The following GNG4 variants were observed in gnomAD, a reference collection of about 807,000 sequenced individuals.
The protein encoded by GNG4 is G protein subunit gamma 4.
GNG4 carries 4 observed loss-of-function variants against 5.8 expected under a neutral mutation model. The ratio of observed to expected loss-of-function variants is 0.69; its 90% CI spans 0.34 to 1.57. GNG4 has a LOEUF of 1.57. GNG4 is among the 40% of genes most tolerant of loss of function. The pLI is 0.06. For synonymous variants in GNG4, 29 were observed against 32.9 expected, an observed-to-expected ratio of 0.88 and a Z score of 0.41; for missense variants, 96 against 95.1, an observed-to-expected ratio of 1.01 and a Z score of -0.04.
intron 1 of GNG4, among the ~76,000 whole-genome samples, chr1:235,614,365 C>T (rs1211804830): frequency 2.0e-5 from 3 of 151,810 alleles, no homozygotes; most frequent in Non-Finnish European, 4.4e-5. Flanking sequence ...TTCATTGACT[C>T]TTTTTTCTGT....
chr1:235,616,801 C>A (rs112106624), intron 1 of GNG4, among the ~76,000 whole-genome samples: 1 of 152,036 alleles, frequency 6.6e-6, no homozygotes, highest in African/African-American at 2.4e-5. Context: ...TGCAGTGGCA[C>A]GATGTCAGCT....
chr1:235,616,772 T>G (rs1688599020), intron 1 of GNG4, among the ~76,000 whole-genome samples: 1 of 152,064 alleles, frequency 6.6e-6, no homozygotes, highest in Non-Finnish European at 1.5e-5. Context: ...GGAGATTTGC[T>G]CTGTCACCCA....
In GNG4 at chr1:235,634,149, G is replaced by A. The variant is rs1009373296; in HGVS notation, c.-123+15513C>T. Among the ~76,000 whole-genome samples the A allele has an allele frequency of 4.6e-5, 7 of 152,244 alleles. No homozygotes were observed. The South Asian group carries it at 1.5e-3, about 32-fold the overall frequency. ...AGTCTCAAAATTACCCTCCACCCCT[G>A]CACCAGGAAGACTCACTCTCTGTAA... On this transcript the variant is annotated intron_variant, in intron 1 of 3. Coordinates refer to ENST00000391854, the MANE Select transcript of GNG4 (RefSeq NM_001098722.2).
chr1:235,627,689 A>C (rs187095484), intron 1 of GNG4, among the ~76,000 whole-genome samples: 5 of 152,298 alleles, frequency 3.3e-5, no homozygotes, highest in Admixed American at 3.3e-4. Flanking sequence ...ACCATTTACA[A>C]TGGCCTCTCC....
In GNG4 at chr1:235,644,449, G is replaced by A. The variant is rs986942438; in HGVS notation, c.-123+5213C>T. On this transcript the variant is annotated intron_variant, in intron 1 of 3. Coordinates refer to ENST00000391854, the MANE Select transcript of GNG4 (RefSeq NM_001098722.2). This position sits in a 1 kb window ranked among gnomAD's most constrained non-coding sequence, Gnocchi z 5.9. ...GCCCTTGGGCATGAGCAAGCCTGAC[G>A]CTGTCTCTCATCCTGGTAACACCTT... Among the ~76,000 whole-genome samples, 4 of 152,176 alleles carry A rather than the reference G, an allele frequency of 2.6e-5. No homozygotes were observed. Among genetic ancestry groups the A allele is most frequent in the Non-Finnish European group, 4.4e-5 (3 of 68,026 alleles).
intron 2 of GNG4, among the ~76,000 whole-genome samples, chr1:235,584,449 ATTAATT>A (rs138257545): frequency 0.04 from 6,148 of 152,260 alleles, 340 homozygotes; most frequent in African/African-American, 0.12. Context: ...AAATTGCTTT[ATTAATT>A]TTAATTTGTT....
At chr1:235,629,592 C>T (rs371832536) in intron 1 of GNG4, among the ~76,000 whole-genome samples, 2 of 144,198 alleles carry the variant, frequency 1.4e-5, no homozygotes, top group African/African-American at 5.7e-5. Flanking sequence ...TTTCTTTTTT[C>T]TTTCTTTCTT....
At chr1:235,581,646 C>T (rs1571892349) in intron 3 of GNG4, among the ~76,000 whole-genome samples, 4 of 152,140 alleles carry the variant, frequency 2.6e-5, no homozygotes, top group Admixed American at 2.6e-4. Context: ...CACCCTCCGC[C>T]CTGAGAAGCC....
intron 1 of GNG4, among the ~76,000 whole-genome samples, chr1:235,629,882 A>G (rs7555829): frequency 0.028 from 4,301 of 152,116 alleles, 200 homozygotes; most frequent in African/African-American, 0.095. Context: ...ATGAGCCACC[A>G]TGCCTGGCTC....
chr1:235,573,296 A>G (rs1163610204), intron 3 of GNG4, among the ~76,000 whole-genome samples: 10 of 129,378 alleles, frequency 7.7e-5, no homozygotes, highest in African/African-American at 1.8e-4. Context: ...GGCACAGGAT[A>G]GGGAACATCA....
At chr1:235,636,222 A>C (rs1689032499) in intron 1 of GNG4, among the ~76,000 whole-genome samples, 1 of 152,222 alleles carries the variant, frequency 6.6e-6, no homozygotes, top group Non-Finnish European at 1.5e-5. Flanking sequence ...GCACTGCCTC[A>C]AGGAGAATGA....
chr1:235,588,779 C>G (rs1265326923), intron 2 of GNG4: 1 of 152,424 alleles, frequency 6.6e-6, no homozygotes, highest in East Asian at 1.9e-4. Context: ...ACCTCAGCCC[C>G]TCTGTCTACA....
intron 2 of GNG4, among the ~76,000 whole-genome samples, chr1:235,589,574 G>A (rs1375418773): frequency 6.6e-6 from 1 of 152,200 alleles, no homozygotes; most frequent in Non-Finnish European, 1.5e-5. Context: ...CTCAGCATGG[G>A]CTGGAACCTG....
intron 2 of GNG4, among the ~76,000 whole-genome samples, chr1:235,592,685 A>G (rs576671880): frequency 7.2e-5 from 11 of 152,164 alleles, no homozygotes; most frequent in Non-Finnish European, 8.8e-5. Context: ...GCTTGAAGAT[A>G]GCCGCCCTTT....
chr1:235,584,705 C>T (rs1352788720), intron 2 of GNG4, among the ~76,000 whole-genome samples: 3 of 151,922 alleles, frequency 2.0e-5, no homozygotes, highest in Admixed American at 6.6e-5. Context: ...GCAATTGCCC[C>T]GTCTAATGAG....
intron 3 of GNG4, among the ~76,000 whole-genome samples, chr1:235,564,294 G>C (rs1398039188): frequency 6.6e-6 from 1 of 152,110 alleles, no homozygotes; most frequent in Non-Finnish European, 1.5e-5. Flanking sequence ...GATGGGGGGA[G>C]GAAGGTAAGG....
rs1382395656 is a variant in GNG4 at position 235,642,768 on chromosome 1, C to T, written c.-123+6894G>A. ...GCGGGCCTCCCTGCTGTCATCACACCTCGGATCACCCCAGGCAATCTCGCC... is the reference window on the plus strand; with the variant it reads ...GCGGGCCTCCCTGCTGTCATCACACTTCGGATCACCCCAGGCAATCTCGCC... On this transcript the variant is annotated intron_variant, in intron 1 of 3. Transcript: ENST00000391854. The surrounding 1 kb of genome is among the most constrained non-coding windows in gnomAD (Gnocchi z 4.3). Among the ~76,000 whole-genome samples, 1 of 152,146 alleles carries T rather than the reference C, an allele frequency of 6.6e-6. No individual in the cohort carries two copies. The highest frequency in any genetic ancestry group is 2.4e-5 in the African/African-American group (1 of 41,422).
At chr1:235,580,674 C>G (rs1332343472) in intron 3 of GNG4, among the ~76,000 whole-genome samples, 2 of 152,118 alleles carry the variant, frequency 1.3e-5, no homozygotes, top group African/African-American at 4.8e-5. Context: ...CTCTGGCAGG[C>G]CCCCTGAGGA....
At chr1:235,616,743 T>TGCGC (rs1491312290) in intron 1 of GNG4, among the ~76,000 whole-genome samples, 11 of 149,680 alleles carry the variant, frequency 7.3e-5, no homozygotes, top group Non-Finnish European at 1.6e-4. Context: ...TGTGTGTGTG[T>TGCGC]GCGCGCGTGT....
Sources: gnomAD v4.1 joint callset for allele counts (sites outside exome capture counted in the v4.1 genomes callset) on GRCh38, gnomAD v4.1.1 for gene constraint, Gnocchi (gnomAD v3.1) non-coding constraint, MANE v1.5 for transcripts, NCBI Gene and HGNC (gene_info 2026-07-23, HGNC 2026-07-21) for gene names.